Variants in ENTREP1 observed in about 807,000 individuals in gnomAD.
ENTREP1 encodes the protein Friedreich ataxia region gene X123.
chr9:69,346,231 C>T, the ENTREP1 span, among the ~76,000 whole-genome samples: 1 of 151,680 alleles, frequency 6.6e-6, no homozygotes, highest in Non-Finnish European at 1.5e-5. Context: ...GATTTGCCTA[C>T]CTAGGCCTCC....
the ENTREP1 span, chr9:69,387,021 A>G: frequency 2.6e-5 from 4 of 152,244 alleles, no homozygotes; most frequent in Non-Finnish European, 4.4e-5. Context: ...CAGCTTAGGG[A>G]AATCTTTCCA....
chr9:69,391,745 C>T, the ENTREP1 span: 50 of 1,613,746 alleles, frequency 3.1e-5, no homozygotes, highest in African/African-American at 4.0e-5. Context: ...GAGGCCCCGG[C>T]GAGTGGAGGC....
the ENTREP1 span, chr9:69,384,132 A>T: frequency 1.3e-6 from 1 of 757,050 alleles, no homozygotes; most frequent in Non-Finnish European, 2.2e-6. Context: ...CCGAGGTGGG[A>T]GGATCACATG....
chr9:69,327,099 C>T, the ENTREP1 span, among the ~76,000 whole-genome samples: 85 of 152,078 alleles, frequency 5.6e-4, no homozygotes, highest in Non-Finnish European at 9.0e-4. Context: ...CCTTGAGACT[C>T]GCCTGAAATT....
At chr9:69,340,777 ATGTG>A in the ENTREP1 span, among the ~76,000 whole-genome samples, 1 of 42,676 alleles carries the variant, frequency 2.3e-5, no homozygotes, top group Admixed American at 1.8e-4. Context: ...GTGTGTGTGT[ATGTG>A]TGTGTGCATG....
the ENTREP1 span, among the ~76,000 whole-genome samples, chr9:69,384,913 T>TTA: frequency 1.3e-5 from 2 of 151,842 alleles, no homozygotes; most frequent in African/African-American, 4.8e-5. Flanking sequence ...TTTTTTTTTT[T>TTA]AACTTTATTT....
chr9:69,329,777 T>TGTTAACTAGATTCCACTGGGGTATGGGA, the ENTREP1 span: 109,882 of 361,576 alleles, frequency 0.3, 41,316 homozygotes, highest in Admixed American at 0.74. Flanking sequence ...GTGCGTTTAG[T>TGTTAACTAGATTCCACTGGGGTATGGGA]GTTAACTAGA....
the ENTREP1 span, chr9:69,379,879 G>A: frequency 6.6e-6 from 1 of 152,204 alleles, no homozygotes; most frequent in African/African-American, 2.4e-5. Flanking sequence ...CTGTCTCCTC[G>A]CTTTCCTTTC....
the ENTREP1 span, among the ~76,000 whole-genome samples, chr9:69,341,899 T>C: frequency 3.3e-5 from 5 of 152,038 alleles, no homozygotes; most frequent in Non-Finnish European, 7.4e-5. Context: ...TGGGGAAATC[T>C]CTTGACCCAA....
chr9:69,391,841 T>C, the ENTREP1 span: 1 of 1,527,502 alleles, frequency 6.5e-7, no homozygotes, highest in Admixed American at 1.9e-5. Flanking sequence ...AGGGGAAGGA[T>C]CCCTCTCCTC....
the ENTREP1 span, chr9:69,324,778 C>T: frequency 1.0e-6 from 1 of 985,696 alleles, no homozygotes; most frequent in Non-Finnish European, 1.2e-6. Context: ...GGGCGGGCCC[C>T]CTTCTCACTA....
At chr9:69,372,208 A>G in the ENTREP1 span, among the ~76,000 whole-genome samples, 2 of 152,230 alleles carry the variant, frequency 1.3e-5, no homozygotes, top group Admixed American at 1.3e-4. Context: ...TACACATAGC[A>G]TGAAATTTAC....
the ENTREP1 span, among the ~76,000 whole-genome samples, chr9:69,378,320 G>GA: frequency 6.6e-6 from 1 of 152,052 alleles, no homozygotes; most frequent in Admixed American, 6.5e-5. Flanking sequence ...CCCTGGTCTA[G>GA]AAAAAATAGA....
the ENTREP1 span, among the ~76,000 whole-genome samples, chr9:69,340,634 TGC>T: frequency 0.011 from 1,236 of 112,514 alleles, 26 homozygotes; most frequent in South Asian, 0.014. Flanking sequence ...CATGTGTGTG[TGC>T]GTGCATGTGT....
At chr9:69,360,534 T>A in the ENTREP1 span, among the ~76,000 whole-genome samples, 1 of 152,210 alleles carries the variant, frequency 6.6e-6, no homozygotes, top group Non-Finnish European at 1.5e-5. Flanking sequence ...CTTCTTCATT[T>A]GCTTCATTTT....
the ENTREP1 span, chr9:69,325,136 G>GGGAAGC: frequency 2.3e-5 from 24 of 1,038,978 alleles, no homozygotes; most frequent in Non-Finnish European, 2.8e-5. Flanking sequence ...GCTGGAGCCA[G>GGGAAGC]GGCAGCGGCA....
the ENTREP1 span, chr9:69,383,478 T>C: frequency 9.3e-6 from 14 of 1,500,450 alleles, no homozygotes; most frequent in Non-Finnish European, 1.2e-5. Context: ...GAGCAGCTTC[T>C]ATTATTCTCC....
the ENTREP1 span, chr9:69,377,581 T>C: frequency 1.9e-6 from 3 of 1,613,074 alleles, no homozygotes; most frequent in South Asian, 2.2e-5. Flanking sequence ...TAATGAAGGC[T>C]GTTGACTAAC....
the ENTREP1 span, among the ~76,000 whole-genome samples, chr9:69,338,077 A>T: frequency 6.6e-6 from 1 of 152,214 alleles, no homozygotes; most frequent in Non-Finnish European, 1.5e-5. Context: ...AAGATGACAT[A>T]GGCAACATTT....
Sources: gnomAD v4.1 joint callset for allele counts (sites outside exome capture counted in the v4.1 genomes callset) on GRCh38, gnomAD v4.1.1 for gene constraint, MANE v1.5 for transcripts, NCBI Gene and HGNC (gene_info 2026-07-23, HGNC 2026-07-21) for gene names.